Variants in PITPNC1 observed in about 807,000 individuals in gnomAD.
The protein encoded by PITPNC1 is phosphatidylinositol transfer protein cytoplasmic 1.
In PITPNC1, 18 loss-of-function variants were observed where a neutral mutation model predicts 44.7. The ratio of observed to expected loss-of-function variants is 0.40; its 90% CI spans 0.28 to 0.60. PITPNC1 has a LOEUF of 0.60. Among genes scored for constraint, PITPNC1 ranks in the 20% least tolerant of loss-of-function variants. The probability of loss-of-function intolerance (pLI) is 0.39; values close to 1 mark genes in which losing one functional copy is unlikely to be tolerated. For missense variants in PITPNC1, 290 were observed against 418.4 expected (o/e 0.69, Z 2.68); for synonymous variants, 141 against 149.6 (o/e 0.94, Z 0.42).
chr17:67,457,116 C>T (rs1477000265), intron 1 of PITPNC1: 4 of 152,256 alleles, frequency 2.6e-5, no homozygotes, highest in Non-Finnish European at 5.9e-5. Context: ...CTTCACCCCT[C>T]CTTAGGCAGC....
chr17:67,671,070 T>G (rs1017235470), intron 7 of PITPNC1, among the ~76,000 whole-genome samples: 1 of 152,144 alleles, frequency 6.6e-6, no homozygotes, highest in African/African-American at 2.4e-5. Flanking sequence ...GTATTTTTAG[T>G]AGAGATGGAG....
chr17:67,494,161 CTCTTTCTTTCTTTCTTTCTTTCTTTT>C lies in PITPNC1; in HGVS notation c.49-38615_49-38590del, dbSNP rs1027408159. Among the ~76,000 whole-genome samples, 32 of 103,980 alleles carry C rather than the reference CTCTTTCTTTCTTTCTTTCTTTCTTTT, an allele frequency of 3.1e-4. 1 individual carries two copies. In the East Asian group the frequency reaches 8.0e-3, roughly 26 times the overall value. 68.2% of individuals were successfully genotyped at this position (103,980 alleles called of 152,430 possible). A position where few individuals can be genotyped will look rare whatever the true frequency, so the allele number is the denominator to read the frequency against. ...TTTTTCCACTAACAATATGTGTAAC[CTCTTTCTTTCTTTCTTTCTTTCTTTT>C]TCTTTCTTTCTTTCTTTCTTTCTTT... On this transcript the variant is annotated intron_variant, in intron 1 of 8. Coordinates refer to ENST00000581322, the MANE Select transcript of PITPNC1 (RefSeq NM_012417.4).
chr17:67,678,602 TGACCAGGA>T lies in PITPNC1; in HGVS notation c.682+3061_682+3068del, dbSNP rs531117818. On this transcript the variant is annotated intron_variant, in intron 8 of 8. Coordinates refer to ENST00000581322, the MANE Select transcript of PITPNC1 (RefSeq NM_012417.4). ...CCATCAGTACCCACAGCTGAGCTGC[TGACCAGGA>T]AAACAGTGGCTCCTTCATCACACAG... 1.6e-4 allele frequency among the ~76,000 whole-genome samples: 24 copies of T among 152,386 alleles called. 1 individual carries two copies. The South Asian group carries it at 5.0e-3, about 32-fold the overall frequency.
At chr17:67,627,125 C>T (rs1409065391) in intron 5 of PITPNC1, among the ~76,000 whole-genome samples, 2 of 152,124 alleles carry the variant, frequency 1.3e-5, no homozygotes, top group Admixed American at 1.3e-4. Flanking sequence ...TGGTGACAGG[C>T]GCCTGTAATC....
At chr17:67,498,825 T>G (rs1301118314) in intron 1 of PITPNC1, among the ~76,000 whole-genome samples, 1 of 152,126 alleles carries the variant, frequency 6.6e-6, no homozygotes, top group East Asian at 1.9e-4. Context: ...CATATACTCA[T>G]GTACTCACTA....
At chr17:67,524,564 T>C (rs2040370664) in intron 1 of PITPNC1, 1 of 151,888 alleles carries the variant, frequency 6.6e-6, no homozygotes, top group Non-Finnish European at 1.5e-5. Flanking sequence ...ATTAATGAAC[T>C]ATTTTGCTTT....
intron 4 of PITPNC1, among the ~76,000 whole-genome samples, chr17:67,564,190 TGGA>T (rs1322591344): frequency 2.6e-5 from 4 of 151,624 alleles, no homozygotes; most frequent in East Asian, 3.9e-4. Flanking sequence ...GATGGATGGA[TGGA>T]TGGATGGATG....
intron 2 of PITPNC1, among the ~76,000 whole-genome samples, chr17:67,546,088 G>A (rs1318808390): frequency 6.6e-6 from 1 of 151,978 alleles, no homozygotes; most frequent in African/African-American, 2.4e-5. Context: ...AGCTACTCGG[G>A]AGGCTGAGGC....
intron 5 of PITPNC1, among the ~76,000 whole-genome samples, chr17:67,623,581 A>G (rs2706674): frequency 0.98 from 149,011 of 152,292 alleles, 72,905 homozygotes; most frequent in East Asian, 0.99. Flanking sequence ...ACGGGGTTTC[A>G]TCATGTTGAC....
At chr17:67,680,461 G>T (rs530242883) in intron 8 of PITPNC1, among the ~76,000 whole-genome samples, 1 of 152,040 alleles carries the variant, frequency 6.6e-6, no homozygotes, top group South Asian at 2.1e-4. Context: ...TTAGCTAGGC[G>T]TGGTTGCGGG....
intron 6 of PITPNC1, among the ~76,000 whole-genome samples, chr17:67,647,414 C>G (rs987112577): frequency 6.7e-6 from 1 of 149,874 alleles, no homozygotes; most frequent in African/African-American, 2.5e-5. Context: ...CCTTGGCCCC[C>G]TAAGTAGCTG....
chr17:67,429,231 A>G (rs1445297692), intron 1 of PITPNC1, among the ~76,000 whole-genome samples: 1 of 152,188 alleles, frequency 6.6e-6, no homozygotes, highest in Non-Finnish European at 1.5e-5. Flanking sequence ...AAAGAAGAAT[A>G]TTCATGTATT....
rs116265287 is a variant in PITPNC1 at position 67,529,306 on chromosome 17, A to G, written c.49-3496A>G. On this transcript the variant is annotated intron_variant, in intron 1 of 8. Transcript: ENST00000581322. The stretch of plus-strand genomic sequence containing the variant: ...TGTGTCATGCACTGACCTTGATCCC[A>G]TATGTTTTTCATACGTGAGTGGGTT... Among the ~76,000 whole-genome samples the G allele has an allele frequency of 4.2e-3, 633 of 152,166 alleles. 4 individuals carry two copies. Among genetic ancestry groups the G allele is most frequent in the African/African-American group, 0.015 (605 of 41,526 alleles).
intron 5 of PITPNC1, among the ~76,000 whole-genome samples, chr17:67,622,107 A>T (rs895871306): frequency 1.3e-5 from 2 of 152,098 alleles, no homozygotes; most frequent in African/African-American, 4.8e-5. Context: ...AATACAAAAA[A>T]TTAGCTGGGC....
At chr17:67,418,210 T>C (rs2038614759) in intron 1 of PITPNC1, among the ~76,000 whole-genome samples, 1 of 152,220 alleles carries the variant, frequency 6.6e-6, no homozygotes, top group Non-Finnish European at 1.5e-5. Flanking sequence ...CTTATTGCCT[T>C]GAGACTATAT....
chr17:67,644,295 T>C (rs975845494), intron 6 of PITPNC1, among the ~76,000 whole-genome samples: 1 of 152,080 alleles, frequency 6.6e-6, no homozygotes, highest in Non-Finnish European at 1.5e-5. Flanking sequence ...ACAGCTGTAC[T>C]ATAGAAAACT....
intron 1 of PITPNC1, among the ~76,000 whole-genome samples, chr17:67,381,834 G>A (rs887462495): frequency 2.6e-5 from 4 of 152,246 alleles, no homozygotes; most frequent in African/African-American, 9.6e-5. Context: ...ATGCTTTGAA[G>A]AATCAGTGAG....
intron 1 of PITPNC1, among the ~76,000 whole-genome samples, chr17:67,398,965 CAG>C (rs1158428771): frequency 1.3e-5 from 2 of 150,088 alleles, no homozygotes; most frequent in African/African-American, 2.5e-5. Flanking sequence ...GTGGTTGACG[CAG>C]AGTTCTTCGG....
intron 6 of PITPNC1, among the ~76,000 whole-genome samples, chr17:67,652,656 G>T (rs566208276): frequency 6.6e-6 from 1 of 152,204 alleles, no homozygotes; most frequent in African/African-American, 2.4e-5. Context: ...GCCAGCTGCC[G>T]GGCCGAGAGG....
Sources: gnomAD v4.1 joint callset for allele counts (sites outside exome capture counted in the v4.1 genomes callset) on GRCh38, gnomAD v4.1.1 for gene constraint, MANE v1.5 for transcripts, NCBI Gene and HGNC (gene_info 2026-07-23, HGNC 2026-07-21) for gene names.